Variants in KCND2 observed in about 807,000 individuals in gnomAD.
KCND2 encodes potassium voltage-gated channel subfamily D member 2, also known as A-type voltage-gated potassium channel KCND2.
A neutral mutation model predicts 54.4 loss-of-function variants in KCND2; 16 were observed. The observed-to-expected ratio is 0.29, with a 90% CI of 0.20 to 0.45. The LOEUF (loss-of-function observed/expected upper bound fraction) is 0.45, where lower values mean the gene tolerates loss of function less well. KCND2 is among the 20% of genes least tolerant of loss of function. KCND2 has a pLI of 1.00. For synonymous variants in KCND2, 317 were observed against 310.7 expected (o/e 1.02, Z -0.21); for missense variants, 486 against 824.2 (o/e 0.59, Z 5.02).
chr7:120,408,398 A>G lies in KCND2; in HGVS notation c.1115+132651A>G, dbSNP rs747414152. 2.6e-5 allele frequency among the ~76,000 whole-genome samples: 4 copies of G among 151,896 alleles called. No homozygotes were observed. In the East Asian group the frequency reaches 7.7e-4, roughly 29 times the overall value. ...ATCTCGAGCCATGGAGCAAGATTTT[A>G]TTATAGCTAGAGGTAAAGATTGGTA... On this transcript the variant is annotated intron_variant, in intron 1 of 5. Transcript: ENST00000331113.
chr7:120,567,032 A>G (rs544894103), intron 1 of KCND2, among the ~76,000 whole-genome samples: 1 of 152,286 alleles, frequency 6.6e-6, no homozygotes, highest in African/African-American at 2.4e-5. Flanking sequence ...AGAAATGGAA[A>G]ATCATTTTTC....
intron 1 of KCND2, among the ~76,000 whole-genome samples, chr7:120,537,976 T>G (rs2116375328): frequency 6.6e-6 from 1 of 152,340 alleles, no homozygotes; most frequent in African/African-American, 2.4e-5. Context: ...TTCTTCAGGA[T>G]CTTTTCCTTT....
intron 1 of KCND2, among the ~76,000 whole-genome samples, chr7:120,572,516 A>T (rs1792378558): frequency 6.6e-6 from 1 of 150,978 alleles, no homozygotes; most frequent in African/African-American, 2.4e-5. Context: ...AGAAAGTGTG[A>T]ACATAATATA....
At chr7:120,525,778 A>G (rs149741860) in intron 1 of KCND2, among the ~76,000 whole-genome samples, 1 of 152,340 alleles carries the variant, frequency 6.6e-6, no homozygotes, top group East Asian at 1.9e-4. Context: ...GTAAACCTGT[A>G]ATAAATGCCC....
At chr7:120,741,906 A>T (rs1427366267) in intron 3 of KCND2, among the ~76,000 whole-genome samples, 2 of 146,174 alleles carry the variant, frequency 1.4e-5, no homozygotes, top group Non-Finnish European at 3.0e-5. Context: ...TGGTAAAGGT[A>T]AAAAAAAATG....
chr7:120,323,027 C>T (rs6942451), intron 1 of KCND2, among the ~76,000 whole-genome samples: 19,127 of 152,048 alleles, frequency 0.13, 1,275 homozygotes, highest in African/African-American at 0.16. Flanking sequence ...ATGTGCAGAA[C>T]GAGCAGGTTT....
chr7:120,698,548 A>T (rs1239181486), intron 1 of KCND2, among the ~76,000 whole-genome samples: 2 of 152,254 alleles, frequency 1.3e-5, no homozygotes, highest in East Asian at 3.8e-4. Flanking sequence ...AGTTTCAGCT[A>T]TTTGTGATTA....
intron 1 of KCND2, among the ~76,000 whole-genome samples, chr7:120,286,098 C>T (rs2116265599): frequency 6.6e-6 from 1 of 151,858 alleles, no homozygotes; most frequent in African/African-American, 2.4e-5. Context: ...CTATATTAAG[C>T]AAAAACTATG....
chr7:120,561,077 CAG>C (rs1260366668), intron 1 of KCND2, among the ~76,000 whole-genome samples: 1 of 152,138 alleles, frequency 6.6e-6, no homozygotes, highest in Non-Finnish European at 1.5e-5. Context: ...TCTTTTGAAA[CAG>C]TTACCTCAAG....
chr7:120,728,204 C>T lies in KCND2; in HGVS notation c.1116-4699C>T, dbSNP rs548457024. Among the ~76,000 whole-genome samples the T allele has an allele frequency of 5.4e-5, 8 of 149,074 alleles. No individual in the cohort carries two copies. The South Asian group carries it at 1.5e-3, about 28-fold the overall frequency. Reference sequence around the variant, plus strand: ...TAGGGAAAAGTTTCCTTTCAATTAACGATGTTCAAGTTGCTGTGTTATCTA... The same window carrying T: ...TAGGGAAAAGTTTCCTTTCAATTAATGATGTTCAAGTTGCTGTGTTATCTA... On this transcript the variant is annotated intron_variant, in intron 1 of 5. Transcript: ENST00000331113.
intron 1 of KCND2, among the ~76,000 whole-genome samples, chr7:120,327,547 C>T (rs1310307833): frequency 6.6e-6 from 1 of 151,976 alleles, no homozygotes; most frequent in East Asian, 1.9e-4. Flanking sequence ...TGAATTGCAG[C>T]AACTAAAGAA....
chr7:120,339,232 G>A (rs1800202473), intron 1 of KCND2, among the ~76,000 whole-genome samples: 1 of 151,772 alleles, frequency 6.6e-6, no homozygotes, highest in South Asian at 2.1e-4. Context: ...TTAGGCAACA[G>A]TATATAACAT....
intron 1 of KCND2, among the ~76,000 whole-genome samples, chr7:120,320,940 G>A (rs915284077): frequency 2.6e-5 from 4 of 152,140 alleles, no homozygotes; most frequent in Non-Finnish European, 4.4e-5. Context: ...CAAGGAAATA[G>A]CTTATGAATG....
chr7:120,310,421 G>T (rs763443887), intron 1 of KCND2, among the ~76,000 whole-genome samples: 2 of 151,938 alleles, frequency 1.3e-5, no homozygotes, highest in African/African-American at 2.4e-5. Flanking sequence ...TTCTTTAAAA[G>T]AATTTTTTTT....
intron 4 of KCND2, among the ~76,000 whole-genome samples, chr7:120,743,041 T>G (rs1030071735): frequency 2.6e-5 from 4 of 152,198 alleles, no homozygotes; most frequent in Non-Finnish European, 4.4e-5. Context: ...TAAGCATTTG[T>G]TTCATTCACA....
intron 1 of KCND2, among the ~76,000 whole-genome samples, chr7:120,347,865 C>T (rs1800343804): frequency 6.6e-6 from 1 of 152,076 alleles, no homozygotes; most frequent in Non-Finnish European, 1.5e-5. Context: ...TTTATTTCTC[C>T]CAGTTCTGCA....
chr7:120,561,341 T>G (rs1376020888), intron 1 of KCND2, among the ~76,000 whole-genome samples: 1 of 152,130 alleles, frequency 6.6e-6, no homozygotes, highest in Non-Finnish European at 1.5e-5. Context: ...TGATTAGATA[T>G]AAGCTATGCA....
At chr7:120,296,467 T>C (rs1000105893) in intron 1 of KCND2, among the ~76,000 whole-genome samples, 15 of 152,148 alleles carry the variant, frequency 9.9e-5, no homozygotes, top group Non-Finnish European at 1.3e-4. Context: ...AAGACTTAGT[T>C]CTAATAATTA....
chr7:120,688,216 G>A (rs1792228136), intron 1 of KCND2, among the ~76,000 whole-genome samples: 1 of 152,072 alleles, frequency 6.6e-6, no homozygotes, highest in East Asian at 1.9e-4. Flanking sequence ...TATACTAAGG[G>A]TCTACAAACT....
Sources: gnomAD v4.1 joint callset for allele counts (sites outside exome capture counted in the v4.1 genomes callset) on GRCh38, gnomAD v4.1.1 for gene constraint, MANE v1.5 for transcripts, NCBI Gene and HGNC (gene_info 2026-07-23, HGNC 2026-07-21) for gene names.